The following CTNNA3 variants were observed in gnomAD, a reference collection of about 807,000 sequenced individuals.
CTNNA3 encodes catenin alpha 3.
A neutral mutation model predicts 95.7 loss-of-function variants in CTNNA3; 76 were observed. The ratio of observed to expected loss-of-function variants is 0.79; its 90% CI spans 0.66 to 0.96. CTNNA3 has a LOEUF of 0.96. Ranked by LOEUF, CTNNA3 falls within the 40% of genes least tolerant of loss-of-function variation. The pLI is 0.00. For synonymous variants in CTNNA3, 431 were observed against 374.4 expected (o/e 1.15, Z -1.74); for missense variants, 1,191 against 1,089.8 (o/e 1.09, Z -1.31).
At chr10:66,765,175 C>A (rs531600037) in intron 9 of CTNNA3, among the ~76,000 whole-genome samples, 2 of 152,130 alleles carry the variant, frequency 1.3e-5, no homozygotes, top group Non-Finnish European at 2.9e-5. Context: ...GAGTTTATAG[C>A]GCAAATGCTA....
chr10:67,237,939 T>A (rs1349113676), intron 5 of CTNNA3, among the ~76,000 whole-genome samples: 3 of 152,112 alleles, frequency 2.0e-5, no homozygotes, highest in African/African-American at 7.2e-5. Context: ...TAGGCTATAG[T>A]GGGAGAGATC....
chr10:67,069,804 T>A (rs1856333429), intron 7 of CTNNA3, among the ~76,000 whole-genome samples: 1 of 152,134 alleles, frequency 6.6e-6, no homozygotes. Flanking sequence ...AATATTCAAA[T>A]TTCTTTTTAC....
intron 14 of CTNNA3, among the ~76,000 whole-genome samples, chr10:66,095,724 C>T (rs1478705909): frequency 1.3e-5 from 2 of 151,988 alleles, no homozygotes; most frequent in South Asian, 2.1e-4. Flanking sequence ...TAAGAACCAT[C>T]GCAAGTATTT....
intron 7 of CTNNA3, among the ~76,000 whole-genome samples, chr10:66,781,087 A>G (rs1320818479): frequency 7.3e-6 from 1 of 136,616 alleles, no homozygotes; most frequent in Non-Finnish European, 1.5e-5. Flanking sequence ...TAAATTATGA[A>G]GCCTCAAACA....
At chr10:66,226,779 T>C (rs1175958982) in intron 13 of CTNNA3, among the ~76,000 whole-genome samples, 2 of 151,778 alleles carry the variant, frequency 1.3e-5, no homozygotes, top group African/African-American at 4.9e-5. Flanking sequence ...AACTCCTTGG[T>C]TGAATTTATT....
intron 9 of CTNNA3, among the ~76,000 whole-genome samples, chr10:66,747,429 G>C (rs1838930618): frequency 1.3e-5 from 2 of 152,136 alleles, no homozygotes; most frequent in Non-Finnish European, 2.9e-5. Context: ...TCTAGCTCCG[G>C]TAAAACTGCC....
chr10:66,229,076 TA>T (rs937920339), intron 13 of CTNNA3, among the ~76,000 whole-genome samples: 3 of 152,174 alleles, frequency 2.0e-5, no homozygotes, highest in African/African-American at 7.2e-5. Context: ...GTCAATTTTT[TA>T]AATCTATATA....
intron 12 of CTNNA3, among the ~76,000 whole-genome samples, chr10:66,335,059 G>T (rs374836025): frequency 1.8e-4 from 28 of 151,972 alleles, no homozygotes; most frequent in African/African-American, 6.3e-4. Context: ...TGTAGTTCTC[G>T]TGCCATGGTT....
At chr10:66,952,403 G>A (rs942782) in intron 7 of CTNNA3, among the ~76,000 whole-genome samples, 144,966 of 152,236 alleles carry the variant, frequency 0.95, 69,446 homozygotes, top group East Asian at 1. Flanking sequence ...CATAAGCAAC[G>A]CATCTGTAGC....
chr10:66,184,063 T>A (rs2086193235), intron 13 of CTNNA3, among the ~76,000 whole-genome samples: 1 of 152,096 alleles, frequency 6.6e-6, no homozygotes, highest in African/African-American at 2.4e-5. Context: ...CCCAACACTT[T>A]GTGTTGGGCA....
In CTNNA3 at chr10:65,918,555, T is replaced by A. The variant is rs1306969112; in HGVS notation, c.*1775A>T. On this transcript the variant is annotated 3_prime_UTR_variant, in exon 18 of 18. Transcript: ENST00000433211. ...TAGATAATTCTGAAAAACAGAGTCA[T>A]CTGAATTCCCTAATTCCCTTCTTCA... 1 of 152,164 alleles carries A rather than the reference T, an allele frequency of 6.6e-6. No homozygotes were observed. The allele number at this position is 152,164 out of a possible 1,614,324, so 9.4% of individuals were successfully genotyped here. A position where few individuals can be genotyped will look rare whatever the true frequency, so the allele number is the denominator to read the frequency against.
chr10:66,465,020 G>T (rs13376812), intron 11 of CTNNA3, among the ~76,000 whole-genome samples: 4,508 of 152,174 alleles, frequency 0.03, 230 homozygotes, highest in African/African-American at 0.1. Context: ...AAATGAAATA[G>T]GGTGCGGACA....
chr10:67,016,071 T>C (rs1852640226), intron 7 of CTNNA3, among the ~76,000 whole-genome samples: 1 of 152,228 alleles, frequency 6.6e-6, no homozygotes, highest in Admixed American at 6.5e-5. Flanking sequence ...AACCCTATTT[T>C]TAGAATACGT....
At chr10:67,233,123 A>T (rs1865297512) in intron 5 of CTNNA3, among the ~76,000 whole-genome samples, 1 of 152,200 alleles carries the variant, frequency 6.6e-6, no homozygotes, top group Non-Finnish European at 1.5e-5. Flanking sequence ...GTCAACAAAG[A>T]TATCCAGGAA....
At chr10:67,431,361 T>C (rs1310824304) in intron 5 of CTNNA3, among the ~76,000 whole-genome samples, 2 of 152,016 alleles carry the variant, frequency 1.3e-5, no homozygotes, top group African/African-American at 4.8e-5. Context: ...TATCTGCTCA[T>C]GAACTACCTT....
chr10:66,713,114 G>A (rs1392350299), intron 9 of CTNNA3, among the ~76,000 whole-genome samples: 3 of 152,060 alleles, frequency 2.0e-5, no homozygotes, highest in East Asian at 1.9e-4. Context: ...CAGGAGGCTC[G>A]AGAACCACAA....
At chr10:66,611,535 G>C (rs923834865) in intron 10 of CTNNA3, among the ~76,000 whole-genome samples, 1 of 152,146 alleles carries the variant, frequency 6.6e-6, no homozygotes, top group East Asian at 1.9e-4. Flanking sequence ...CCACAATTAG[G>C]TTTACTTTTC....
At chr10:67,322,615 G>A (rs112350617) in intron 5 of CTNNA3, among the ~76,000 whole-genome samples, 1 of 152,120 alleles carries the variant, frequency 6.6e-6, no homozygotes, top group African/African-American at 2.4e-5. Context: ...TCTTTATCCA[G>A]TCTACCATTC....
In CTNNA3 at chr10:66,578,007, T is replaced by C. The variant is rs538988196; in HGVS notation, c.1374+43685A>G. Among the ~76,000 whole-genome samples, 14 of 152,120 alleles carry C rather than the reference T, an allele frequency of 9.2e-5. No homozygotes were observed. In the East Asian group the frequency reaches 2.7e-3, roughly 29 times the overall value. On this transcript the variant is annotated intron_variant, in intron 10 of 17. Transcript: ENST00000433211. Reference sequence around the variant, plus strand: ...CATTGTCTCTGATTTCTCTCAGCATTGTTTTGTAATTCTCTTTGCAAGGTT... The same window carrying C: ...CATTGTCTCTGATTTCTCTCAGCATCGTTTTGTAATTCTCTTTGCAAGGTT...
Sources: allele counts gnomAD v4.1 joint callset (sites outside exome capture counted in the v4.1 genomes callset), GRCh38; gene constraint gnomAD v4.1.1; transcripts MANE v1.5; gene names NCBI Gene and HGNC (gene_info 2026-07-23, HGNC 2026-07-21).